The following CASZ1 variants were observed in gnomAD, a reference collection of about 807,000 sequenced individuals.
CASZ1 encodes zinc finger protein castor homolog 1.
CASZ1 carries 28 observed loss-of-function variants against 135.2 expected under a neutral mutation model. The ratio of observed to expected loss-of-function variants is 0.21; its 90% CI spans 0.15 to 0.28. CASZ1 has a LOEUF of 0.28. Ranked by LOEUF, CASZ1 falls within the 10% of genes least tolerant of loss-of-function variation. The pLI, the probability that CASZ1 is intolerant of heterozygous loss-of-function variation, is 1.00. For missense variants in CASZ1, 2,161 were observed against 2,453.3 expected (o/e 0.88, Z 2.52); for synonymous variants, 1,068 against 1,073.4 (o/e 0.99, Z 0.10).
chr1:10,649,614 G>A, intron 13 of CASZ1, 177 bp from the exon 14 acceptor site: 1 of 697,594 alleles, frequency 1.4e-6, no homozygotes, highest in Non-Finnish European at 2.3e-6. Context: ...TGAACAGAGA[G>A]CCTGCTGTGC....
chr1:10,749,106 G>A (rs1640101558), intron 2 of CASZ1, among the ~76,000 whole-genome samples: 1 of 152,154 alleles, frequency 6.6e-6, no homozygotes, highest in Non-Finnish European at 1.5e-5. Context: ...ACAGACAGCA[G>A]GAGCCCTGCT....
chr1:10,753,575 C>T (rs749932645), intron 2 of CASZ1, among the ~76,000 whole-genome samples: 22 of 152,168 alleles, frequency 1.4e-4, no homozygotes, highest in Non-Finnish European at 2.6e-4. Context: ...GAACAACATG[C>T]GCTTGGACTT....
intron 5 of CASZ1, among the ~76,000 whole-genome samples, chr1:10,662,421 T>C (rs1643074856): frequency 6.6e-6 from 1 of 151,324 alleles, no homozygotes; most frequent in Non-Finnish European, 1.5e-5. Context: ...TCACATACAA[T>C]ACACACATGC....
intron 2 of CASZ1, among the ~76,000 whole-genome samples, chr1:10,734,448 A>G (rs1374851270): frequency 6.6e-6 from 1 of 152,202 alleles, no homozygotes; most frequent in Non-Finnish European, 1.5e-5. Context: ...CAGTAATTAT[A>G]ATAGACTCAA....
chr1:10,666,490 C>G lies in CASZ1; in HGVS notation c.17-919G>C, dbSNP rs1383087096. The stretch of plus-strand genomic sequence containing the variant: ...GCCAGCCTCTGCAGCCCCGGAAGGC[C>G]TGGCCAGCCCACTTCCCAGCCCCCA... On this transcript the variant is annotated intron_variant, in intron 4 of 20. Coordinates refer to ENST00000377022, the MANE Select transcript of CASZ1 (RefSeq NM_001079843.3). This position sits in a 1 kb window ranked among gnomAD's most constrained non-coding sequence, Gnocchi z 5.2. Among the ~76,000 whole-genome samples, 1 of 152,176 alleles carries G rather than the reference C, an allele frequency of 6.6e-6. No homozygotes were observed. Among genetic ancestry groups the G allele is most frequent in the Non-Finnish European group, 1.5e-5 (1 of 68,028 alleles).
Position 10,670,123 on chromosome 1 carries a change from G to C in CASZ1, c.17-4552C>G, listed in dbSNP as rs1643356711. Among the ~76,000 whole-genome samples the C allele has an allele frequency of 2.0e-5, 3 of 152,320 alleles. No individual in the cohort carries two copies. In the South Asian group the frequency reaches 6.2e-4, roughly 32 times the overall value. ...CTGGGGCCCTGCCTTCCCACTGCCA[G>C]GCAGCTCGGGGGCCACTCTGGTAGC... On this transcript the variant is annotated intron_variant, in intron 4 of 20. Coordinates refer to ENST00000377022, the MANE Select transcript of CASZ1 (RefSeq NM_001079843.3).
At chr1:10,785,167 T>TCCTCCCTCC (rs1640837598) in intron 1 of CASZ1, among the ~76,000 whole-genome samples, 5 of 143,240 alleles carry the variant, frequency 3.5e-5, no homozygotes, top group Admixed American at 6.8e-5. Context: ...CTTCCTTCCT[T>TCCTCCCTCC]CTTTTCCTCC....
At chr1:10,648,909 G>A (rs1642461340) in intron 15 of CASZ1, 161 bp downstream of exon 15, 1 of 950,988 alleles carries the variant, frequency 1.1e-6, no homozygotes. Context: ...ATGTGTGAAG[G>A]AGGATGGGAA....
At position 10,735,174 on chromosome 1, in the gene CASZ1, G is replaced by A. The variant is rs755696515; in HGVS notation, c.-77+25527C>T. ...AACTGAATTTTGATGAAAAGACGGCGGTAATTTACGGCATCACAAAATTAG... is the reference window on the plus strand; with the variant it reads ...AACTGAATTTTGATGAAAAGACGGCAGTAATTTACGGCATCACAAAATTAG... On this transcript the variant is annotated intron_variant, in intron 2 of 20. Transcript: ENST00000377022. The surrounding 1 kb of genome is among the most constrained non-coding windows in gnomAD (Gnocchi z 5.1). Among the ~76,000 whole-genome samples, 16 of 152,148 alleles carry A rather than the reference G, an allele frequency of 1.1e-4. No individual in the cohort carries two copies. The highest frequency in any genetic ancestry group is 1.8e-4 in the Non-Finnish European group (12 of 68,022).
At chr1:10,722,514 C>T (rs920652443) in intron 2 of CASZ1, among the ~76,000 whole-genome samples, 25 of 152,354 alleles carry the variant, frequency 1.6e-4, no homozygotes, top group African/African-American at 6.0e-4. Flanking sequence ...ATTCTGGGTG[C>T]TCGGAGAAGG....
intron 2 of CASZ1, among the ~76,000 whole-genome samples, chr1:10,714,493 A>C (rs1639343226): frequency 6.6e-6 from 1 of 152,126 alleles, no homozygotes; most frequent in African/African-American, 2.4e-5. Flanking sequence ...CGGCCCTCCC[A>C]GTGCTCCTGG....
chr1:10,672,799 T>C (rs1316779048), intron 4 of CASZ1, among the ~76,000 whole-genome samples: 1 of 152,164 alleles, frequency 6.6e-6, no homozygotes, highest in Non-Finnish European at 1.5e-5. Flanking sequence ...GATGTGTGGG[T>C]GACATTCCAC....
chr1:10,660,290 T>C lies in CASZ1; in HGVS notation c.752A>G (p.Gln251Arg). ...GGTGCTGGGGGCCGGCCAGGAGAGC[T>C]GCTCGCCAGCCTTGAGCTTGCGGAT... ...EYIRKLKAGE[Q>R]LSWPAPSTKT... is the part of the protein sequence containing the mutation. The change falls in exon 6 of 21, where the codon CAG becomes CGG. Residue 251 changes from glutamine to arginine, a missense_variant. Physicochemically the swap from Gln to Arg is conservative, Grantham distance 43 (BLOSUM62 1). This residue lies in a region of CASZ1 where 590 missense variants were observed against 609.8 expected (regional missense o/e 0.97). Transcript: ENST00000377022. 6.2e-7 allele frequency: 1 copy of C among 1,614,024 alleles called. No homozygotes were observed. The highest frequency in any genetic ancestry group is 8.5e-7 in the Non-Finnish European group (1 of 1,179,980).
At chr1:10,695,925 C>G (rs1387371552) in intron 3 of CASZ1, among the ~76,000 whole-genome samples, 1 of 152,138 alleles carries the variant, frequency 6.6e-6, no homozygotes, top group African/African-American at 2.4e-5. Context: ...TTCACCTACC[C>G]TGCTGCCCTC....
chr1:10,712,301 G>A (rs931053816), intron 2 of CASZ1, among the ~76,000 whole-genome samples: 3 of 152,024 alleles, frequency 2.0e-5, no homozygotes, highest in Non-Finnish European at 4.4e-5. Context: ...AGCCACAATC[G>A]CCTCATTGCA....
In CASZ1 at chr1:10,744,847, G is replaced by A. The variant is rs574006422; in HGVS notation, c.-77+15854C>T. Among the ~76,000 whole-genome samples the A allele has an allele frequency of 4.5e-4, 68 of 152,252 alleles. 1 individual carries two copies. Among genetic ancestry groups the A allele is most frequent in the East Asian group, 2.5e-3 (13 of 5,164 alleles). On this transcript the variant is annotated intron_variant, in intron 2 of 20. Transcript: ENST00000377022. Reference sequence around the variant, plus strand: ...GAGCTGCCTGGCACGCAGGAGAGCCGTGACCTCACCAGAGCACACAGGCAC... The same window carrying A: ...GAGCTGCCTGGCACGCAGGAGAGCCATGACCTCACCAGAGCACACAGGCAC...
chr1:10,664,555 G>A (rs1643164712), intron 5 of CASZ1, among the ~76,000 whole-genome samples: 1 of 152,132 alleles, frequency 6.6e-6, no homozygotes, highest in South Asian at 2.1e-4. Context: ...GGACAGCGGT[G>A]TAGGGAAGGA....
At chr1:10,730,976 T>G (rs1280519289) in intron 2 of CASZ1, among the ~76,000 whole-genome samples, 1 of 152,042 alleles carries the variant, frequency 6.6e-6, no homozygotes, top group Non-Finnish European at 1.5e-5. Flanking sequence ...CATGGTGGCG[T>G]GTGCCTATAA....
In CASZ1 at chr1:10,711,158, T is replaced by C. The variant is rs919766009; in HGVS notation, c.-76-5614A>G. Reference sequence around the variant, plus strand: ...GGGGAGAAAAAAGAAAAAGACAGCATACAAAAGTCGAGTTGGTGAGAATTG... The same window carrying C: ...GGGGAGAAAAAAGAAAAAGACAGCACACAAAAGTCGAGTTGGTGAGAATTG... On this transcript the variant is annotated intron_variant, in intron 2 of 20. Transcript: ENST00000377022. The surrounding 1 kb of genome is among the most constrained non-coding windows in gnomAD (Gnocchi z 4.4). 6.6e-6 allele frequency among the ~76,000 whole-genome samples: 1 copy of C among 152,094 alleles called. No individual in the cohort carries two copies. The highest frequency in any genetic ancestry group is 2.4e-5 in the African/African-American group (1 of 41,422).
Sources: gnomAD v4.1 joint callset for allele counts (sites outside exome capture counted in the v4.1 genomes callset) on GRCh38, gnomAD v4.1.1 for gene constraint, gnomAD v4.1.1 regional missense constraint, Gnocchi (gnomAD v3.1) non-coding constraint, MANE v1.5 for transcripts, NCBI Gene and HGNC (gene_info 2026-07-23, HGNC 2026-07-21) for gene names.